Variants in MTUS2 observed in about 807,000 individuals in gnomAD.
MTUS2 encodes the protein microtubule-associated tumor suppressor candidate 2.
MTUS2 carries 40 observed loss-of-function variants against 114.1 expected under a neutral mutation model. The ratio of observed to expected loss-of-function variants is 0.35; its 90% CI spans 0.27 to 0.46. The LOEUF is 0.46. MTUS2 is among the 20% of genes least tolerant of loss of function. The pLI is 1.00. For synonymous variants in MTUS2, 688 were observed against 672.0 expected (o/e 1.02, Z -0.37); for missense variants, 1,679 against 1,705.4 (o/e 0.98, Z 0.27).
At chr13:29,317,843 C>T (rs1309993430) in intron 6 of MTUS2, among the ~76,000 whole-genome samples, 1 of 152,166 alleles carries the variant, frequency 6.6e-6, no homozygotes, top group Non-Finnish European at 1.5e-5. Flanking sequence ...TAAATCCTAC[C>T]TTGAACTGTT....
chr13:29,004,520 T>C (rs1885522634), intron 2 of MTUS2, among the ~76,000 whole-genome samples: 1 of 152,228 alleles, frequency 6.6e-6, no homozygotes, highest in South Asian at 2.1e-4. Flanking sequence ...TTTATTACCT[T>C]GACAACAAAG....
At chr13:28,856,055 C>A (rs1490151844) in intron 2 of MTUS2, among the ~76,000 whole-genome samples, 1 of 152,034 alleles carries the variant, frequency 6.6e-6, no homozygotes, top group Non-Finnish European at 1.5e-5. Context: ...CATCTATGTA[C>A]CCTGGAAAGA....
rs533569297 is a variant in MTUS2 at position 28,911,866 on chromosome 13, A to G, written c.-243+72016A>G. Among the ~76,000 whole-genome samples the G allele has an allele frequency of 1.2e-4, 6 of 49,090 alleles. No individual in the cohort carries two copies. In the East Asian group the frequency reaches 1.8e-3, roughly 14 times the overall value. 32.2% of individuals were successfully genotyped at this position (49,090 alleles called of 152,430 possible). On this transcript the variant is annotated intron_variant, in intron 2 of 15. Transcript: ENST00000612955. ...TAATGTTTTTTTTTTTTTTTTTTGT[A>G]AATTTGTTTACATTTTTTGTAGGCC...
chr13:29,455,521 CAGTA>C (rs1214842058), intron 9 of MTUS2, among the ~76,000 whole-genome samples: 2 of 152,130 alleles, frequency 1.3e-5, no homozygotes, highest in African/African-American at 4.8e-5. Flanking sequence ...CAAAGGAATC[CAGTA>C]AGTTAACTGC....
At chr13:29,461,008 T>C (rs190223578) in intron 9 of MTUS2, among the ~76,000 whole-genome samples, 217 of 152,362 alleles carry the variant, frequency 1.4e-3, no homozygotes, top group African/African-American at 5.0e-3. Flanking sequence ...TAGTCCATTT[T>C]GTGCTGTTAT....
chr13:29,103,692 G>A (rs9506108), intron 5 of MTUS2, among the ~76,000 whole-genome samples: 101,751 of 151,598 alleles, frequency 0.67, 34,823 homozygotes, highest in Non-Finnish European at 0.74. Context: ...TGACATTACG[G>A]TGGCTAAGAC....
intron 5 of MTUS2, among the ~76,000 whole-genome samples, chr13:29,273,034 G>A (rs1897935600): frequency 6.6e-6 from 1 of 152,142 alleles, no homozygotes. Flanking sequence ...TTTGATAAGG[G>A]CCTTAATCCC....
intron 2 of MTUS2, among the ~76,000 whole-genome samples, chr13:28,972,622 A>G (rs1221282782): frequency 6.6e-6 from 1 of 152,224 alleles, no homozygotes; most frequent in Non-Finnish European, 1.5e-5. Flanking sequence ...TAAAACCTAA[A>G]TACTAATGTC....
At chr13:29,468,336 T>C (rs368366946) in intron 9 of MTUS2, among the ~76,000 whole-genome samples, 1 of 151,842 alleles carries the variant, frequency 6.6e-6, no homozygotes, top group East Asian at 1.9e-4. Flanking sequence ...CCCAGCACTT[T>C]GGGAGGCTGA....
intron 2 of MTUS2, among the ~76,000 whole-genome samples, chr13:28,931,907 CTA>C: frequency 6.6e-6 from 1 of 152,228 alleles, no homozygotes; most frequent in South Asian, 2.1e-4. Context: ...CAATTCCCAC[CTA>C]TGAGTGAGAA....
chr13:29,191,862 T>G (rs1182547244), intron 5 of MTUS2, among the ~76,000 whole-genome samples: 1 of 152,226 alleles, frequency 6.6e-6, no homozygotes, highest in Non-Finnish European at 1.5e-5. Context: ...TTTCTATGCC[T>G]TCTTCTTTAC....
At chr13:29,454,856 T>C (rs1204139303) in intron 9 of MTUS2, among the ~76,000 whole-genome samples, 1 of 152,226 alleles carries the variant, frequency 6.6e-6, no homozygotes, top group African/African-American at 2.4e-5. Context: ...ACCTGGAAGC[T>C]TGTACCAACT....
At chr13:29,467,444 C>G (rs1879967004) in intron 9 of MTUS2, among the ~76,000 whole-genome samples, 1 of 152,172 alleles carries the variant, frequency 6.6e-6, no homozygotes, top group African/African-American at 2.4e-5. Context: ...TTTCCACTGC[C>G]CGGGCCTTCT....
rs1270419432 is a variant in MTUS2, at chr13:29,148,757, C to T, written c.2644+47787C>T. On this transcript the variant is annotated intron_variant, in intron 5 of 15. Coordinates refer to ENST00000612955, the MANE Select transcript of MTUS2 (RefSeq NM_001033602.4). ...CCTCCCAAAGTGCTGGGATTACAGG[C>T]GTGAGCCACCGCGCCCGGCCCTGTG... Among the ~76,000 whole-genome samples the T allele has an allele frequency of 7.2e-5, 10 of 138,812 alleles. 1 individual carries two copies. The highest frequency in any genetic ancestry group is 2.5e-4 in the African/African-American group (10 of 40,566). The allele number at this position is 138,812 out of a possible 152,430, so 91.1% of individuals were successfully genotyped here.
intron 5 of MTUS2, among the ~76,000 whole-genome samples, chr13:29,122,915 G>T (rs994092421): frequency 6.6e-6 from 1 of 152,190 alleles, no homozygotes; most frequent in African/African-American, 2.4e-5. Flanking sequence ...TGTAGCTTTT[G>T]TGGACAATTT....
intron 6 of MTUS2, among the ~76,000 whole-genome samples, chr13:29,308,125 T>C (rs758239618): frequency 1.9e-4 from 29 of 152,126 alleles, no homozygotes; most frequent in Non-Finnish European, 3.2e-4. Context: ...AGAACAAAGC[T>C]GTAGGCATCA....
At chr13:29,201,631 G>A (rs1894963191) in intron 5 of MTUS2, among the ~76,000 whole-genome samples, 2 of 152,202 alleles carry the variant, frequency 1.3e-5, no homozygotes, top group African/African-American at 4.8e-5. Flanking sequence ...TGTTTTTGCT[G>A]TAGCTGGTAG....
intron 8 of MTUS2, among the ~76,000 whole-genome samples, chr13:29,364,296 G>T (rs1415661538): frequency 6.6e-6 from 1 of 152,176 alleles, no homozygotes; most frequent in Non-Finnish European, 1.5e-5. Flanking sequence ...AGAATGTGGG[G>T]TGAGCAAAGA....
At chr13:29,105,663 T>TTTG (rs1555237248) in intron 5 of MTUS2, among the ~76,000 whole-genome samples, 42 of 140,376 alleles carry the variant, frequency 3.0e-4, no homozygotes, top group Non-Finnish European at 4.4e-4. Flanking sequence ...TTTTCTTTTT[T>TTTG]TCCTGGTGCA....
Sources: allele counts gnomAD v4.1 joint callset (sites outside exome capture counted in the v4.1 genomes callset), GRCh38; gene constraint gnomAD v4.1.1; transcripts MANE v1.5; gene names NCBI Gene and HGNC (gene_info 2026-07-23, HGNC 2026-07-21).